The following CLCN4 variants were observed in gnomAD, a reference collection of about 807,000 sequenced individuals.
CLCN4 encodes the protein H(+)/Cl(-) exchange transporter 4.
CLCN4 carries 1 observed loss-of-function variant against 41.7 expected under a neutral mutation model. That is an observed-to-expected ratio of 0.02 (90% confidence interval 0.01 to 0.11). The LOEUF (loss-of-function observed/expected upper bound fraction) is 0.11, where lower values mean the gene tolerates loss of function less well. Among genes scored for constraint, CLCN4 ranks in the 10% least tolerant of loss-of-function variants. The probability of loss-of-function intolerance (pLI) is 1.00; values close to 1 mark genes in which losing one functional copy is unlikely to be tolerated. For missense variants in CLCN4, 287 were observed against 661.0 expected (o/e 0.43, Z 6.20); for synonymous variants, 277 against 285.8 (o/e 0.97, Z 0.31).
intron 9 of CLCN4, 70 bp downstream of exon 9, chrX:10,208,660 A>C: frequency 9.9e-7 from 1 of 1,009,387 alleles, no homozygotes; most frequent in Admixed American, 2.9e-5. Context: ...ACTCTCTAAA[A>C]TAAAATTGCG....
Position 10,235,175 on chromosome X carries a change from T to C in CLCN4, c.*1591T>C, listed in dbSNP as rs1275512953. ...TTTTACCTTTTGTCCTCTGGCTTAT[T>C]GCCTCAGAGTTGCAAGATGGTTCCT... On this transcript the variant is annotated 3_prime_UTR_variant, in exon 13 of 13. Transcript: ENST00000380833. 1.8e-5 allele frequency: 2 copies of C among 112,557 alleles called. No homozygotes were observed. Among genetic ancestry groups the C allele is most frequent in the Non-Finnish European group, 3.8e-5 (2 of 53,277 alleles). 9.3% of individuals were successfully genotyped at this position (112,557 alleles called of 1,213,427 possible). A position where few individuals can be genotyped will look rare whatever the true frequency, so the allele number is the denominator to read the frequency against.
At chrX:10,223,404 T>C (rs997556237) in intron 12 of CLCN4, among the ~76,000 whole-genome samples, 2 of 110,047 alleles carry the variant, frequency 1.8e-5, no homozygotes, top group African/African-American at 3.3e-5. Context: ...TGGCTCTGAA[T>C]GTGCTTCAAG....
chrX:10,175,949 T>TCCCCCTCCCTCCCTCCCC (rs1362236508), intron 2 of CLCN4, among the ~76,000 whole-genome samples: 1 of 58,005 alleles, frequency 1.7e-5, no homozygotes, highest in Non-Finnish European at 2.9e-5. Context: ...CCTCTCCCTC[T>TCCCCCTCCCTCCCTCCCC]CTCTCTCTCT....
intron 2 of CLCN4, among the ~76,000 whole-genome samples, chrX:10,179,803 C>T (rs1017017788): frequency 1.2e-4 from 13 of 112,513 alleles, no homozygotes; most frequent in Non-Finnish European, 2.3e-4. Context: ...CAGCTCATTC[C>T]GTCTTCTTCA....
At chrX:10,199,998 G>A (rs554041325) in intron 6 of CLCN4, among the ~76,000 whole-genome samples, 44 of 111,484 alleles carry the variant, frequency 3.9e-4, no homozygotes, top group African/African-American at 1.4e-3. Context: ...TGATCCATCC[G>A]CCTCGGCCTC....
At position 10,210,650 on chromosome X, in the gene CLCN4, C is replaced by CTTT. The variant is rs34763016; in HGVS notation, c.1390-1797_1390-1795dup. Among the ~76,000 whole-genome samples the CTTT allele has an allele frequency of 1.7e-3, 128 of 75,021 alleles. 1 individual carries two copies. The highest frequency in any genetic ancestry group is 2.6e-3 in the Non-Finnish European group (102 of 39,702). 65.1% of individuals were successfully genotyped at this position (75,021 alleles called of 115,157 possible). On this transcript the variant is annotated intron_variant, in intron 9 of 12. Transcript: ENST00000380833. ...CGCCATTGTGCCCTGCCTGAATTGTCTTTTTTTTTTTTTTTTTTTTTTGGA... is the reference window on the plus strand; with the variant it reads ...CGCCATTGTGCCCTGCCTGAATTGTCTTTTTTTTTTTTTTTTTTTTTTTTTGGA...
At chrX:10,177,538 G>A (rs1005933517) in intron 2 of CLCN4, among the ~76,000 whole-genome samples, 2 of 112,168 alleles carry the variant, frequency 1.8e-5, no homozygotes, top group Admixed American at 9.4e-5. Flanking sequence ...AGGGACTAGC[G>A]GGGGCTTGAA....
At chrX:10,211,265 CA>C (rs71774120) in intron 9 of CLCN4, among the ~76,000 whole-genome samples, 93 of 48,789 alleles carry the variant, frequency 1.9e-3, no homozygotes, top group African/African-American at 7.7e-3. Flanking sequence ...GATTCCGTCT[CA>C]AAAAAAAAAA....
At chrX:10,157,234 C>T in intron 1 of CLCN4, 134 bp downstream of exon 1, 1 of 275,271 alleles carries the variant, frequency 3.6e-6, no homozygotes, top group East Asian at 5.2e-5. Flanking sequence ...GTATTTATCC[C>T]CAAATTAGAG....
intron 10 of CLCN4, 126 bp downstream of exon 10, chrX:10,212,779 C>A: frequency 1.7e-6 from 1 of 572,107 alleles, no homozygotes; most frequent in Admixed American, 3.7e-5. Context: ...GTGGCTATAA[C>A]AAGTAAACCC....
intron 2 of CLCN4, among the ~76,000 whole-genome samples, chrX:10,176,215 C>T (rs1923529247): frequency 8.9e-6 from 1 of 112,399 alleles, no homozygotes; most frequent in Non-Finnish European, 1.9e-5. Flanking sequence ...GTGCTGGTAG[C>T]TCTGGTGCCT....
chrX:10,191,405 G>T (rs1336874612), intron 4 of CLCN4, among the ~76,000 whole-genome samples: 1 of 112,489 alleles, frequency 8.9e-6, no homozygotes, highest in Non-Finnish European at 1.9e-5. Flanking sequence ...TCCATTGTAT[G>T]GATAGACCAC....
At chrX:10,176,907 T>C (rs1162905261) in intron 2 of CLCN4, among the ~76,000 whole-genome samples, 2 of 111,721 alleles carry the variant, frequency 1.8e-5, no homozygotes, top group Non-Finnish European at 3.8e-5. Context: ...TAAATACTGA[T>C]GGCAGCACAA....
At chrX:10,199,461 G>A (rs1020339112) in intron 6 of CLCN4, among the ~76,000 whole-genome samples, 3 of 112,307 alleles carry the variant, frequency 2.7e-5, no homozygotes, top group South Asian at 3.7e-4. Flanking sequence ...TGCAACTTAC[G>A]CGTTGCTGTG....
rs1414323515 is a variant in CLCN4 at position 10,235,322 on chromosome X, C to CT, written c.*1739dup. ...GAGACGCTCAGCTTGTATCCATTGA[C>CT]TGGAAGTCTGTCACGTGGCTCCCCC... On this transcript the variant is annotated 3_prime_UTR_variant, in exon 13 of 13. Coordinates refer to ENST00000380833, the MANE Select transcript of CLCN4 (RefSeq NM_001830.4). 3 of 112,077 alleles carry CT rather than the reference C, an allele frequency of 2.7e-5. No homozygotes were observed. Among genetic ancestry groups the CT allele is most frequent in the Non-Finnish European group, 5.6e-5 (3 of 53,149 alleles). 9.2% of individuals were successfully genotyped at this position (112,077 alleles called of 1,213,427 possible). A position where few individuals can be genotyped will look rare whatever the true frequency, so the allele number is the denominator to read the frequency against.
chrX:10,214,422 G>A (rs777778145), intron 11 of CLCN4, among the ~76,000 whole-genome samples: 3 of 113,228 alleles, frequency 2.6e-5, no homozygotes, highest in Non-Finnish European at 3.7e-5. Context: ...GCCCTGCTCC[G>A]CTGCTGCCTT....
chrX:10,159,591 C>T (rs1923041351), intron 2 of CLCN4, among the ~76,000 whole-genome samples: 1 of 111,306 alleles, frequency 9.0e-6, no homozygotes, highest in Admixed American at 9.5e-5. Flanking sequence ...TGTATTGGAA[C>T]TCACATCATG....
chrX:10,169,303 A>G (rs1012644333), intron 2 of CLCN4, among the ~76,000 whole-genome samples: 10 of 111,715 alleles, frequency 9.0e-5, no homozygotes, highest in Non-Finnish European at 1.7e-4. Context: ...ACAGTGAAGG[A>G]TTTGTCTTGT....
intron 2 of CLCN4, 65 bp downstream of exon 2, chrX:10,158,616 GAGCCCGGCCCGCGGGCCTGC>G: frequency 3.7e-6 from 1 of 267,553 alleles, no homozygotes; most frequent in Non-Finnish European, 6.6e-6. Flanking sequence ...GCTGCAGGTG[GAGCCCGGCCCGCGGGCCTGC>G]AGCCCGGCTG....
Sources: gnomAD v4.1 joint callset for allele counts (sites outside exome capture counted in the v4.1 genomes callset) on GRCh38, gnomAD v4.1.1 for gene constraint, MANE v1.5 for transcripts, NCBI Gene and HGNC (gene_info 2026-07-23, HGNC 2026-07-21) for gene names.